The following KLHL32 variants were observed in gnomAD, a reference collection of about 807,000 sequenced individuals.
KLHL32 encodes kelch like family member 32.
Under a neutral mutation model 64.8 loss-of-function variants are expected in KLHL32, and 35 were observed. The observed-to-expected ratio is 0.54, with a 90% CI of 0.41 to 0.72. The LOEUF (loss-of-function observed/expected upper bound fraction) is 0.72, where lower values mean the gene tolerates loss of function less well. KLHL32 is among the 30% of genes least tolerant of loss of function. KLHL32 has a pLI of 0.00. For missense variants in KLHL32, 589 were observed against 768.5 expected, an observed-to-expected ratio of 0.77 and a Z score of 2.76; for synonymous variants, 259 against 281.0, an observed-to-expected ratio of 0.92 and a Z score of 0.78.
intron 3 of KLHL32, among the ~76,000 whole-genome samples, chr6:96,981,913 G>A (rs1470866197): frequency 6.6e-6 from 1 of 152,058 alleles, no homozygotes. Context: ...TGGTCTGAGA[G>A]TGTGATCGGT....
rs763597495 is a variant in KLHL32 at position 97,085,339 on chromosome 6, C to G, written c.625C>G (p.Gln209Glu). 3 of 1,612,194 alleles carry G rather than the reference C, an allele frequency of 1.9e-6. No individual in the cohort carries two copies. Among genetic ancestry groups the G allele is most frequent in the Non-Finnish European group, 1.7e-6 (2 of 1,179,806 alleles). The change falls in exon 6 of 11, where the codon CAG becomes GAG. Residue 209 changes from glutamine (Q) to glutamate (E), a missense_variant and splice_region_variant. Coordinates refer to ENST00000369261, the MANE Select transcript of KLHL32 (RefSeq NM_052904.4). ...CTCCCTGAGTGAAGAGCAGATCTGG[C>G]AGGTAAGGGCGCTGTGCACGGTCGC... is the stretch of plus-strand genomic sequence containing the variant. ...LTSLSEEQIWQLAVRWLEHNC... is the reference protein window; with the variant it reads ...LTSLSEEQIWELAVRWLEHNC...
chr6:97,118,154 A>T (rs1001702633), intron 7 of KLHL32, among the ~76,000 whole-genome samples: 105 of 152,178 alleles, frequency 6.9e-4, no homozygotes, highest in Non-Finnish European at 3.5e-4. Flanking sequence ...ATCTTGATTA[A>T]ATTTATATGA....
At chr6:96,917,048 A>G in the KLHL32 span, among the ~76,000 whole-genome samples, 31 of 152,234 alleles carry the variant, frequency 2.0e-4, no homozygotes, top group Non-Finnish European at 4.1e-4. Flanking sequence ...TATACTTTAT[A>G]TAAGCACTTT....
chr6:97,041,686 ATTG>A, intron 4 of KLHL32, 87 bp downstream of exon 4: 2 of 751,616 alleles, frequency 2.7e-6, no homozygotes, highest in South Asian at 1.9e-5. Context: ...AGATTTAGTT[ATTG>A]TTCTTGTTAC....
intron 3 of KLHL32, among the ~76,000 whole-genome samples, chr6:97,003,662 T>A (rs1779318239): frequency 6.6e-6 from 1 of 152,220 alleles, no homozygotes; most frequent in African/African-American, 2.4e-5. Flanking sequence ...GAGTTGATTT[T>A]TTGTATATAC....
In KLHL32 at chr6:97,024,656, G is replaced by A. The variant is rs9374303; in HGVS notation, c.205-16836G>A. On this transcript the variant is annotated intron_variant, in intron 3 of 10. Coordinates refer to ENST00000369261, the MANE Select transcript of KLHL32 (RefSeq NM_052904.4). ...AGTCATTCATTTAATTTTCATTATC[G>A]CGTTTATAATTAGTTCATTGTCTTC... Among the ~76,000 whole-genome samples, 207 of 151,952 alleles carry A rather than the reference G, an allele frequency of 1.4e-3. 4 individuals carry two copies. The East Asian group carries it at 0.039, about 28-fold the overall frequency.
Position 97,113,793 on chromosome 6 carries a change from G to A in KLHL32, c.638G>A (p.Arg213Lys). Reference protein sequence around the residue: ...SEEQIWQLAVRWLEHNCHYQY... With the variant: ...SEEQIWQLAVKWLEHNCHYQY... ...TTCCCTCTGTTTCAGCTAGCTGTGA[G>A]GTGGTTGGAACACAACTGCCACTAC... Residue 213 changes from arginine to lysine, a missense_variant, in exon 7 of 11, where the codon AGG becomes AAG. By Grantham distance (26) the Arg-to-Lys change is conservative (BLOSUM62 2). Transcript: ENST00000369261. 6.2e-7 allele frequency: 1 copy of A among 1,610,964 alleles called. No individual in the cohort carries two copies. Among genetic ancestry groups the A allele is most frequent in the Non-Finnish European group, 8.5e-7 (1 of 1,177,392 alleles).
intron 6 of KLHL32, among the ~76,000 whole-genome samples, chr6:97,097,799 G>A (rs933061420): frequency 6.6e-6 from 1 of 152,134 alleles, no homozygotes; most frequent in African/African-American, 2.4e-5. Context: ...AAGTATAAAC[G>A]ACAGGGATAC....
At chr6:96,947,820 A>G (rs1336116591) in intron 1 of KLHL32, among the ~76,000 whole-genome samples, 1 of 152,186 alleles carries the variant, frequency 6.6e-6, no homozygotes, top group Non-Finnish European at 1.5e-5. Flanking sequence ...AGAGGAATTA[A>G]GTACTTGTCC....
intron 3 of KLHL32, among the ~76,000 whole-genome samples, chr6:97,023,171 A>G (rs1031404560): frequency 6.6e-6 from 1 of 152,204 alleles, no homozygotes. Flanking sequence ...AACCATATCA[A>G]CTATATTCAT....
chr6:97,088,798 A>G (rs528320794), intron 6 of KLHL32, among the ~76,000 whole-genome samples: 2 of 152,352 alleles, frequency 1.3e-5, no homozygotes, highest in South Asian at 4.1e-4. Flanking sequence ...AGAACAACAC[A>G]TAGAAGTAAT....
chr6:96,955,581 T>C (rs1334204554), intron 1 of KLHL32, among the ~76,000 whole-genome samples: 1 of 152,208 alleles, frequency 6.6e-6, no homozygotes, highest in African/African-American at 2.4e-5. Context: ...AATGGATATG[T>C]GTTCAATCTG....
At chr6:97,114,609 T>C in intron 7 of KLHL32, 100 bp downstream of exon 7, 1 of 1,412,858 alleles carries the variant, frequency 7.1e-7, no homozygotes, top group Non-Finnish European at 9.8e-7. Context: ...AATTGAAAGA[T>C]TGAACCAAGC....
At chr6:97,108,010 A>G (rs1244160116) in intron 6 of KLHL32, among the ~76,000 whole-genome samples, 2 of 152,216 alleles carry the variant, frequency 1.3e-5, no homozygotes, top group African/African-American at 2.4e-5. Flanking sequence ...TTGTGGTCAG[A>G]TGAATTGGGT....
At chr6:97,122,501 C>T (rs1380342753) in intron 7 of KLHL32, among the ~76,000 whole-genome samples, 1 of 152,068 alleles carries the variant, frequency 6.6e-6, no homozygotes, top group Non-Finnish European at 1.5e-5. Context: ...TATAAATGTT[C>T]CTATGGTATT....
chr6:97,132,365 A>G (rs1482208637), intron 9 of KLHL32, among the ~76,000 whole-genome samples: 1 of 152,214 alleles, frequency 6.6e-6, no homozygotes, highest in East Asian at 1.9e-4. Context: ...GTGACATAGC[A>G]TAGAATTCAG....
the KLHL32 span, chr6:96,915,062 G>T: frequency 6.6e-6 from 1 of 152,090 alleles, no homozygotes; most frequent in South Asian, 2.1e-4. Context: ...TAAAAAGAAA[G>T]AATAAATGTC....
At chr6:97,003,690 G>A (rs972718311) in intron 3 of KLHL32, among the ~76,000 whole-genome samples, 10 of 152,132 alleles carry the variant, frequency 6.6e-5, no homozygotes, top group Non-Finnish European at 1.2e-4. Context: ...AAGGGGTCTA[G>A]TTTCAAAGTT....
chr6:97,031,654 A>C (rs936691854), intron 3 of KLHL32, among the ~76,000 whole-genome samples: 34 of 152,198 alleles, frequency 2.2e-4, no homozygotes, highest in Non-Finnish European at 4.1e-4. Flanking sequence ...ACTTTCTAAA[A>C]CAGTATGATG....
Sources: allele counts gnomAD v4.1 joint callset (sites outside exome capture counted in the v4.1 genomes callset), GRCh38; gene constraint gnomAD v4.1.1; transcripts MANE v1.5; gene names NCBI Gene and HGNC (gene_info 2026-07-23, HGNC 2026-07-21).